Variants in TUBD1 observed in about 807,000 individuals in gnomAD.
TUBD1 encodes the protein tubulin delta 1.
In TUBD1, 38 loss-of-function variants were observed where a neutral mutation model predicts 51.2. The ratio of observed to expected loss-of-function variants is 0.74; its 90% CI spans 0.57 to 0.97. TUBD1 has a LOEUF of 0.97. Among genes scored for constraint, TUBD1 ranks in the 50% least tolerant of loss-of-function variants. The probability of loss-of-function intolerance (pLI) is 0.00; values close to 1 mark genes in which losing one functional copy is unlikely to be tolerated. For missense variants in TUBD1, 489 were observed against 538.4 expected, an observed-to-expected ratio of 0.91 and a Z score of 0.91; for synonymous variants, 169 against 178.2, an observed-to-expected ratio of 0.95 and a Z score of 0.41.
At chr17:59,874,046 G>A (rs1485343225) in intron 6 of TUBD1, among the ~76,000 whole-genome samples, 17 of 150,462 alleles carry the variant, frequency 1.1e-4, no homozygotes, top group Admixed American at 5.4e-4. Context: ...AAAATTAGCC[G>A]GGCGTGGTGG....
intron 5 of TUBD1, 83 bp from the exon 6 acceptor site, chr17:59,874,786 T>A: frequency 8.8e-7 from 1 of 1,132,228 alleles, no homozygotes; most frequent in Non-Finnish European, 1.3e-6. Context: ...GATTTGAAGG[T>A]TTTCTGGGCC....
At chr17:59,885,213 G>T (rs962639086) in intron 3 of TUBD1, 12 of 462,132 alleles carry the variant, frequency 2.6e-5, no homozygotes, top group Non-Finnish European at 4.6e-5. Flanking sequence ...GCCTTACCCG[G>T]ATGATGACAT....
At chr17:59,879,347 T>C (rs2040377563) in intron 4 of TUBD1, among the ~76,000 whole-genome samples, 1 of 151,822 alleles carries the variant, frequency 6.6e-6, no homozygotes, top group Non-Finnish European at 1.5e-5. Context: ...AATGGCACCA[T>C]GAATCCCAAC....
At chr17:59,875,717 G>A (rs1028926104) in intron 5 of TUBD1, among the ~76,000 whole-genome samples, 2 of 150,454 alleles carry the variant, frequency 1.3e-5, no homozygotes, top group Non-Finnish European at 2.9e-5. Flanking sequence ...TCGCACTCCA[G>A]CCTGGGCGAC....
At chr17:59,868,878 T>A (rs1423083331) in intron 6 of TUBD1, among the ~76,000 whole-genome samples, 1 of 150,508 alleles carries the variant, frequency 6.6e-6, no homozygotes, top group African/African-American at 2.4e-5. Flanking sequence ...AATTAGTCAC[T>A]TATGGTGGTA....
In TUBD1 at chr17:59,890,933, G is replaced by T; in HGVS notation, c.70C>A (p.Leu24Ile). ...QIGFEVFDAL[L>I]SDSHSSQGLC... ...CCCTGGGAACTGTGTGAGTCACTAA[G>T]CAAAGCATCAAAAACTTCAAAACCA... The change falls in exon 2 of 9, where the codon CTT becomes ATT. Residue 24 changes from leucine to isoleucine, a missense_variant. Physicochemically the swap from Leu to Ile is conservative, Grantham distance 5 (BLOSUM62 2). Coordinates refer to ENST00000325752, the MANE Select transcript of TUBD1 (RefSeq NM_016261.4). 6.2e-7 allele frequency: 1 copy of T among 1,613,900 alleles called. No individual in the cohort carries two copies. Among genetic ancestry groups the T allele is most frequent in the South Asian group, 1.1e-5 (1 of 91,076 alleles).
chr17:59,884,924 T>TAA (rs576145633), intron 3 of TUBD1: 33 of 189,570 alleles, frequency 1.7e-4, no homozygotes, highest in South Asian at 4.7e-4. Context: ...CTCTGTCTCT[T>TAA]AAAAAAAAAA....
At chr17:59,878,387 A>G in intron 4 of TUBD1, 53 bp from the exon 5 acceptor site, 1 of 1,342,824 alleles carries the variant, frequency 7.4e-7, no homozygotes, top group Non-Finnish European at 1.1e-6. Flanking sequence ...AATGGTTAAG[A>G]TTACAGATTC....
chr17:59,866,398 C>T (rs550221939), intron 7 of TUBD1, among the ~76,000 whole-genome samples: 136 of 152,012 alleles, frequency 8.9e-4, no homozygotes, highest in African/African-American at 2.8e-3. Flanking sequence ...CCACACCCGG[C>T]TAAAGGAATT....
chr17:59,885,043 G>A (rs941033505), intron 3 of TUBD1: 50 of 336,586 alleles, frequency 1.5e-4, no homozygotes, highest in Non-Finnish European at 9.7e-5. Flanking sequence ...AGGGTCCTGG[G>A]AGTCCAGTGG....
intron 6 of TUBD1, among the ~76,000 whole-genome samples, chr17:59,868,505 G>A (rs1460935343): frequency 6.6e-6 from 1 of 151,710 alleles, no homozygotes; most frequent in Non-Finnish European, 1.5e-5. Context: ...AGACTAGCCT[G>A]GGCAACATAG....
At chr17:59,889,282 G>A (rs1401046061) in intron 2 of TUBD1, among the ~76,000 whole-genome samples, 1 of 151,172 alleles carries the variant, frequency 6.6e-6, no homozygotes, top group African/African-American at 2.4e-5. Flanking sequence ...CCAAAGTGCT[G>A]GGATTATAGG....
intron 5 of TUBD1, among the ~76,000 whole-genome samples, chr17:59,876,894 C>T (rs2040250985): frequency 6.6e-6 from 1 of 150,932 alleles, no homozygotes; most frequent in Admixed American, 6.6e-5. Context: ...AATGGAGTCT[C>T]GCTGTCGCCC....
At chr17:59,889,812 A>G (rs2040912393) in intron 2 of TUBD1, among the ~76,000 whole-genome samples, 1 of 151,962 alleles carries the variant, frequency 6.6e-6, no homozygotes, top group Non-Finnish European at 1.5e-5. Context: ...TCTACTAAAA[A>G]TACAAAAATT....
intron 3 of TUBD1, among the ~76,000 whole-genome samples, chr17:59,882,104 G>C (rs1046185787): frequency 2.7e-5 from 4 of 148,704 alleles, no homozygotes; most frequent in African/African-American, 1.0e-4. Flanking sequence ...TTTAAACAGG[G>C]TCTCACTATG....
intron 7 of TUBD1, 105 bp downstream of exon 7, chr17:59,866,504 T>C: frequency 6.9e-7 from 1 of 1,448,718 alleles, no homozygotes. Context: ...ACACAGTTAT[T>C]ACTTTCCTTT....
At chr17:59,892,324 C>T (rs1335932897) in intron 1 of TUBD1, among the ~76,000 whole-genome samples, 1 of 152,212 alleles carries the variant, frequency 6.6e-6, no homozygotes, top group Non-Finnish European at 1.5e-5. Flanking sequence ...GGAGGATCAC[C>T]TGAGCCCAGG....
At chr17:59,872,720 G>GTGTC (rs1555634763) in intron 6 of TUBD1, among the ~76,000 whole-genome samples, 3 of 135,650 alleles carry the variant, frequency 2.2e-5, no homozygotes, top group African/African-American at 8.0e-5. Context: ...GTGTGTGTGT[G>GTGTC]TGTGTGTGTC....
chr17:59,871,687 G>A (rs2039988661), intron 6 of TUBD1, among the ~76,000 whole-genome samples: 1 of 152,154 alleles, frequency 6.6e-6, no homozygotes, highest in Admixed American at 6.6e-5. Flanking sequence ...AGCCTAGAGA[G>A]CAGTCAGTCC....
Sources: allele counts gnomAD v4.1 joint callset (sites outside exome capture counted in the v4.1 genomes callset), GRCh38; gene constraint gnomAD v4.1.1; transcripts MANE v1.5; gene names NCBI Gene and HGNC (gene_info 2026-07-23, HGNC 2026-07-21).